AMOTL1: variants seen among roughly 807,000 people sequenced by gnomAD.
The protein encoded by AMOTL1 is angiomotin-like protein 1.
Under a neutral mutation model 102.9 loss-of-function variants are expected in AMOTL1, and 45 were observed. The ratio of observed to expected loss-of-function variants is 0.44; its 90% CI spans 0.34 to 0.56. The LOEUF (loss-of-function observed/expected upper bound fraction) is 0.56, where lower values mean the gene tolerates loss of function less well. Among genes scored for constraint, AMOTL1 ranks in the 20% least tolerant of loss-of-function variants. The pLI, the probability that AMOTL1 is intolerant of heterozygous loss-of-function variation, is 0.01. For missense variants in AMOTL1, 1,114 were observed against 1,225.6 expected (o/e 0.91, Z 1.36); for synonymous variants, 481 against 484.7 (o/e 0.99, Z 0.10).
intron 1 of AMOTL1, among the ~76,000 whole-genome samples, chr11:94,784,503 G>T (rs1025507300): frequency 2.8e-4 from 43 of 152,152 alleles, no homozygotes; most frequent in African/African-American, 9.4e-4. Context: ...TAAAACTACT[G>T]ACTTTAAATC....
chr11:94,753,771 A>T (rs187063975), intron 3 of AMOTL1, among the ~76,000 whole-genome samples: 74 of 152,276 alleles, frequency 4.9e-4, no homozygotes, highest in Non-Finnish European at 5.6e-4. Flanking sequence ...TCTTGGCAGA[A>T]CCCTAATTTG....
chr11:94,853,801 G>A (rs1232631709), intron 7 of AMOTL1, 132 bp from the exon 8 acceptor site: 2 of 954,050 alleles, frequency 2.1e-6, no homozygotes, highest in African/African-American at 1.6e-5. Context: ...AAGGATAGGA[G>A]TAGGGCGGTG....
intron 3 of AMOTL1, among the ~76,000 whole-genome samples, chr11:94,744,153 G>T (rs918298284): frequency 7.5e-4 from 115 of 152,348 alleles, no homozygotes; most frequent in African/African-American, 2.6e-3. Context: ...TCAACGGCAA[G>T]TGGTGGGTCC....
At chr11:94,806,406 G>A (rs1296314242) in intron 3 of AMOTL1, among the ~76,000 whole-genome samples, 3 of 152,222 alleles carry the variant, frequency 2.0e-5, no homozygotes, top group African/African-American at 7.2e-5. Context: ...TTTCCAAAAT[G>A]GGGAATTATG....
intron 1 of AMOTL1, among the ~76,000 whole-genome samples, chr11:94,768,979 G>A (rs2135512063): frequency 6.6e-6 from 1 of 152,206 alleles, no homozygotes; most frequent in East Asian, 2.0e-4. Context: ...CGAGACAAAG[G>A]CGCGCGCACC....
rs7946897 is a variant in AMOTL1 at position 94,740,611 on chromosome 11, C to T, written c.86-327C>T. Among the ~76,000 whole-genome samples, 1,018 of 147,490 alleles carry T rather than the reference C, an allele frequency of 6.9e-3. 12 individuals are homozygous for T. The highest frequency in any genetic ancestry group is 0.024 in the African/African-American group (962 of 40,574). ...CCGGCAGACAGAGCAATGCGCCCCG[C>T]GGGCTGAGGGCAGAGGATGCGGCCG... On this transcript the variant is annotated intron_variant, in intron 2 of 4. Coordinates refer to the AMOTL1 transcript ENST00000299004.
At chr11:94,820,660 A>G (rs1356303220) in intron 3 of AMOTL1, among the ~76,000 whole-genome samples, 4 of 152,222 alleles carry the variant, frequency 2.6e-5, no homozygotes, top group Non-Finnish European at 4.4e-5. Context: ...ATTGTAATAT[A>G]TGATGAAATA....
intron 2 of AMOTL1, among the ~76,000 whole-genome samples, chr11:94,796,583 C>T (rs988997730): frequency 2.0e-5 from 3 of 152,214 alleles, no homozygotes; most frequent in East Asian, 1.9e-4. Context: ...AGTTGGAACC[C>T]GTAGAGTGGC....
At chr11:94,832,754 A>G (rs1181220805) in intron 6 of AMOTL1, among the ~76,000 whole-genome samples, 1 of 152,206 alleles carries the variant, frequency 6.6e-6, no homozygotes, top group East Asian at 1.9e-4. Flanking sequence ...TGCATTTAAG[A>G]TCGTGACACA....
chr11:94,865,504 A>G (rs1031522100), intron 10 of AMOTL1, among the ~76,000 whole-genome samples: 7 of 152,188 alleles, frequency 4.6e-5, no homozygotes, highest in Admixed American at 4.6e-4. Flanking sequence ...ATCATCTTCT[A>G]CCAGAGAACC....
intron 1 of AMOTL1, among the ~76,000 whole-genome samples, chr11:94,726,846 CA>C (rs1290481684): frequency 1.3e-5 from 2 of 152,156 alleles, no homozygotes; most frequent in Non-Finnish European, 2.9e-5. Context: ...TGTGATGGAT[CA>C]AAACCTTCCT....
At chr11:94,803,765 G>A (rs1172360963) in intron 3 of AMOTL1, among the ~76,000 whole-genome samples, 2 of 152,190 alleles carry the variant, frequency 1.3e-5, no homozygotes, top group African/African-American at 2.4e-5. Flanking sequence ...GCAGTTTGGA[G>A]TATATTAGTC....
At chr11:94,814,713 A>T (rs1951736954) in intron 3 of AMOTL1, among the ~76,000 whole-genome samples, 2 of 152,224 alleles carry the variant, frequency 1.3e-5, no homozygotes, top group South Asian at 4.1e-4. Context: ...ACTACTTGTG[A>T]CTATAACTCC....
chr11:94,768,419 G>T lies in AMOTL1; in HGVS notation c.-93G>T. 1 of 1,538,788 alleles carries T rather than the reference G, an allele frequency of 6.5e-7. No homozygotes were observed. ...GGTTTGGGGCTGGAGGTGAAGCCCT[G>T]TGTGAATGGGGTTGATTGTCCGGCG... On this transcript the variant is annotated 5_prime_UTR_variant, in exon 1 of 13. Transcript: ENST00000433060.
intron 3 of AMOTL1, among the ~76,000 whole-genome samples, chr11:94,757,930 C>G (rs1326369008): frequency 6.6e-6 from 1 of 152,064 alleles, no homozygotes; most frequent in Non-Finnish European, 1.5e-5. Context: ...AGCATGGTGG[C>G]GCATGCCTGC....
chr11:94,753,305 G>GTTTTTTT (rs1565339509), intron 3 of AMOTL1, among the ~76,000 whole-genome samples: 1 of 137,466 alleles, frequency 7.3e-6, no homozygotes. Flanking sequence ...CTGCTTTCCT[G>GTTTTTTT]CTTTTTTTTT....
chr11:94,718,092 T>C (rs1950122525), intron 1 of AMOTL1, among the ~76,000 whole-genome samples: 1 of 151,976 alleles, frequency 6.6e-6, no homozygotes, highest in Admixed American at 6.6e-5. Flanking sequence ...CTCCCTTCCC[T>C]AGAAGTATCT....
intron 3 of AMOTL1, among the ~76,000 whole-genome samples, chr11:94,753,305 G>GTTTTTTTTTTTTTTTTT (rs1565339509): frequency 1.5e-5 from 2 of 137,466 alleles, no homozygotes; most frequent in Admixed American, 7.2e-5. Context: ...CTGCTTTCCT[G>GTTTTTTTTTTTTTTTTT]CTTTTTTTTT....
intron 1 of AMOTL1, among the ~76,000 whole-genome samples, chr11:94,769,456 C>A (rs994079898): frequency 6.6e-6 from 1 of 152,180 alleles, no homozygotes; most frequent in Admixed American, 6.5e-5. Flanking sequence ...GCGCTCGCGG[C>A]GACGTGTCCA....
Sources: allele counts gnomAD v4.1 joint callset (sites outside exome capture counted in the v4.1 genomes callset), GRCh38; gene constraint gnomAD v4.1.1; transcripts MANE v1.5; gene names NCBI Gene and HGNC (gene_info 2026-07-23, HGNC 2026-07-21).